Variants in DOCK8 observed in about 807,000 individuals in gnomAD.
DOCK8 encodes dedicator of cytokinesis protein 8.
Under a neutral mutation model 245.6 loss-of-function variants are expected in DOCK8, and 141 were observed. The ratio of observed to expected loss-of-function variants is 0.57; its 90% CI spans 0.50 to 0.66. The LOEUF (loss-of-function observed/expected upper bound fraction) is 0.66, where lower values mean the gene tolerates loss of function less well. DOCK8 is among the 30% of genes least tolerant of loss of function. The pLI is 0.00. For synonymous variants in DOCK8, 1,168 were observed against 970.2 expected, an observed-to-expected ratio of 1.20 and a Z score of -3.79; for missense variants, 2,965 against 2,603.4, an observed-to-expected ratio of 1.14 and a Z score of -3.02.
chr9:241,826 AT>A (rs2047380105), intron 1 of DOCK8, among the ~76,000 whole-genome samples: 1 of 152,096 alleles, frequency 6.6e-6, no homozygotes, highest in African/African-American at 2.4e-5. Flanking sequence ...TTTTTTTCAA[AT>A]TTTTTATTTT....
At chr9:384,691 C>G (rs1465975260) in intron 22 of DOCK8, among the ~76,000 whole-genome samples, 1 of 152,238 alleles carries the variant, frequency 6.6e-6, no homozygotes, top group East Asian at 1.9e-4. Context: ...CTGAGGCGGG[C>G]AGATCACGAG....
chr9:215,001 C>T lies in DOCK8; in HGVS notation c.25C>T (p.Arg9Cys). 1 of 1,595,800 alleles carries T rather than the reference C, an allele frequency of 6.3e-7. No homozygotes were observed. The highest frequency in any genetic ancestry group is 8.5e-7 in the Non-Finnish European group (1 of 1,175,448). Reference sequence around the variant, plus strand: ...CATGGCCACTCTGCCGAGCGCAGAGCGCCGCGCGTTCGCGCTCAAGATCAA... The same window carrying T: ...CATGGCCACTCTGCCGAGCGCAGAGTGCCGCGCGTTCGCGCTCAAGATCAA... MATLPSAERRAFALKINRY... is the reference protein window; with the variant it reads MATLPSAECRAFALKINRY... The change falls in exon 1 of 48, where the codon CGC (arginine) becomes TGC (cysteine). Residue 9 changes from arginine to cysteine, a missense_variant. This residue lies in a region of DOCK8 where 2,825 missense variants were observed against 2,453.5 expected (regional missense o/e 1.15). Transcript: ENST00000432829.
chr9:386,511 C>A, intron 23 of DOCK8, 85 bp downstream of exon 23: 1 of 1,168,420 alleles, frequency 8.6e-7, no homozygotes, highest in Non-Finnish European at 1.3e-6. Flanking sequence ...TGGGAATAGT[C>A]AAAGTGCTCC....
chr9:360,138 A>C (rs1234610350), intron 14 of DOCK8, among the ~76,000 whole-genome samples: 1 of 151,998 alleles, frequency 6.6e-6, no homozygotes, highest in Non-Finnish European at 1.5e-5. Context: ...CAACATGGTG[A>C]AACCCCATCT....
intron 8 of DOCK8, among the ~76,000 whole-genome samples, chr9:325,951 G>A (rs1452448830): frequency 1.3e-5 from 2 of 152,214 alleles, no homozygotes; most frequent in African/African-American, 2.4e-5. Flanking sequence ...AGAGGCTACT[G>A]GAGGTGCTGG....
At position 368,240 on chromosome 9, in the gene DOCK8, G is replaced by C. The variant is rs145170942; in HGVS notation, c.1797+105G>C. ...CAGTGTACAAAGTCCGTCTATTCCA[G>C]GCCAATACTGCTCAGCATGTGCAAG... On this transcript the variant is annotated intron_variant, in intron 15 of 47. Transcript: ENST00000432829. 3.9e-4 allele frequency: 375 copies of C among 950,044 alleles called. 3 individuals are homozygous for C. In the African/African-American group the frequency reaches 5.5e-3, roughly 14 times the overall value. 58.9% of individuals were successfully genotyped at this position (950,044 alleles called of 1,614,324 possible).
At chr9:368,369 A>G in intron 15 of DOCK8, 1 of 702,860 alleles carries the variant, frequency 1.4e-6, no homozygotes, top group Admixed American at 2.1e-5. Context: ...AGATCATTTT[A>G]GAGGATTAAA....
At chr9:439,613 T>C (rs1302484225) in intron 40 of DOCK8, among the ~76,000 whole-genome samples, 1 of 152,214 alleles carries the variant, frequency 6.6e-6, no homozygotes, top group Non-Finnish European at 1.5e-5. Context: ...CGATCTGAGC[T>C]TCACTGTATG....
intron 30 of DOCK8, among the ~76,000 whole-genome samples, chr9:419,127 C>G (rs996701168): frequency 1.3e-5 from 2 of 152,168 alleles, no homozygotes; most frequent in Admixed American, 6.5e-5. Context: ...ACTGCATCCT[C>G]CAATGTCATT....
intron 24 of DOCK8, among the ~76,000 whole-genome samples, chr9:391,237 T>G (rs948851775): frequency 6.6e-6 from 1 of 152,240 alleles, no homozygotes; most frequent in Non-Finnish European, 1.5e-5. Context: ...AGAGGCCTTT[T>G]CTGACCACCT....
upstream of DOCK8, chr9:214,690 C>G (rs1416668331): frequency 1.3e-6 from 2 of 1,575,194 alleles, no homozygotes; most frequent in Non-Finnish European, 8.6e-7. Flanking sequence ...CAGAGCGCGC[C>G]GTCTGCCCCA....
Position 404,790 on chromosome 9 carries a change from C to T in DOCK8, c.3235-128C>T, listed in dbSNP as rs535264695. 1.0e-5 allele frequency: 10 copies of T among 952,562 alleles called. No homozygotes were observed. The East Asian group carries it at 2.3e-4, about 22-fold the overall frequency. 59.0% of individuals were successfully genotyped at this position (952,562 alleles called of 1,614,324 possible). On this transcript the variant is annotated intron_variant, in intron 26 of 47. Transcript: ENST00000432829. The stretch of plus-strand genomic sequence containing the variant: ...AATGCAGAATTTACCATCTGTTGCA[C>T]TATCCCATTAGTTTTTATTAAATTG...
chr9:214,670 C>T (rs1320089531), upstream of DOCK8: 10 of 1,594,536 alleles, frequency 6.3e-6, no homozygotes, highest in Admixed American at 3.5e-5. Context: ...CGGAGGTCGG[C>T]GGCCCCGGGC....
At chr9:349,000 G>A (rs571560808) in intron 14 of DOCK8, among the ~76,000 whole-genome samples, 3 of 152,184 alleles carry the variant, frequency 2.0e-5, no homozygotes, top group African/African-American at 7.2e-5. Context: ...TCAGGCCTCA[G>A]ACAGGCTGCC....
intron 31 of DOCK8, 142 bp downstream of exon 31, chr9:420,725 G>A (rs1168268553): frequency 1.3e-5 from 16 of 1,249,204 alleles, no homozygotes; most frequent in East Asian, 7.1e-5. Context: ...CCCATTTGTA[G>A]GTATAGATAT....
At chr9:376,071 A>G (rs894759818) in intron 18 of DOCK8, 139 bp from the exon 19 acceptor site, 1 of 720,640 alleles carries the variant, frequency 1.4e-6, no homozygotes, top group Non-Finnish European at 2.5e-6. Context: ...TCCTGACTCC[A>G]AGAACAGTTA....
At chr9:427,497 A>G (rs1312915176) in intron 34 of DOCK8, among the ~76,000 whole-genome samples, 1 of 152,190 alleles carries the variant, frequency 6.6e-6, no homozygotes, top group African/African-American at 2.4e-5. Context: ...CTGTAGAAAA[A>G]TATAGCTTTG....
intron 27 of DOCK8, 50 bp from the exon 28 acceptor site, chr9:406,880 T>A (rs1044239688): frequency 1.2e-6 from 2 of 1,613,510 alleles, no homozygotes; most frequent in Non-Finnish European, 1.7e-6. Context: ...CCATCGCTAT[T>A]TTCATTCCAG....
chr9:276,106 G>A (rs1230265125), intron 2 of DOCK8, among the ~76,000 whole-genome samples: 2 of 151,638 alleles, frequency 1.3e-5, no homozygotes, highest in Non-Finnish European at 2.9e-5. Context: ...GGCCAGGCTG[G>A]TCTTGAACTT....
Sources: gnomAD v4.1 joint callset for allele counts (sites outside exome capture counted in the v4.1 genomes callset) on GRCh38, gnomAD v4.1.1 for gene constraint, gnomAD v4.1.1 regional missense constraint, MANE v1.5 for transcripts, NCBI Gene and HGNC (gene_info 2026-07-23, HGNC 2026-07-21) for gene names.